The following STYXL1 variants were observed in gnomAD, a reference collection of about 807,000 sequenced individuals.
STYXL1 encodes the protein serine/threonine/tyrosine-interacting-like protein 1.
In STYXL1, 32 loss-of-function variants were observed where a neutral mutation model predicts 36.4. The ratio of observed to expected loss-of-function variants is 0.88; its 90% CI spans 0.66 to 1.18. The LOEUF (loss-of-function observed/expected upper bound fraction) is 1.18. Ranked by LOEUF, STYXL1 falls within the 50% of genes most tolerant of loss-of-function variation. STYXL1 has a pLI of 0.00. For synonymous variants in STYXL1, 133 were observed against 144.1 expected (o/e 0.92, Z 0.55); for missense variants, 354 against 394.1 (o/e 0.90, Z 0.86).
Position 75,996,544 on chromosome 7 carries a change from A to C in STYXL1, c.866T>G (p.Leu289Trp). 1 of 1,614,230 alleles carries C rather than the reference A, an allele frequency of 6.2e-7. No homozygotes were observed. Among genetic ancestry groups the C allele is most frequent in the Non-Finnish European group, 8.5e-7 (1 of 1,180,042 alleles). The change falls in exon 9 of 9, where the codon TTG becomes TGG. Residue 289 changes from leucine (L) to tryptophan (W), a missense_variant. Transcript: ENST00000359697. ...CKNNMCPNRG[L>W]VSQLLEWEKT... Reference sequence around the variant, plus strand: ...CTCCCATTCCAGCAGCTGGCTCACCAATCCCCGATTTGGACACATGTTGTT... The same window carrying C: ...CTCCCATTCCAGCAGCTGGCTCACCCATCCCCGATTTGGACACATGTTGTT...
intron 1 of STYXL1, among the ~76,000 whole-genome samples, chr7:76,032,304 G>A (rs1450797870): frequency 6.6e-6 from 1 of 151,804 alleles, no homozygotes; most frequent in African/African-American, 2.4e-5. Context: ...GGAGGCTGAG[G>A]TGGGAGAATC....
chr7:76,004,954 T>C (rs934285019), intron 6 of STYXL1, among the ~76,000 whole-genome samples: 6 of 152,132 alleles, frequency 3.9e-5, no homozygotes, highest in African/African-American at 1.4e-4. Flanking sequence ...TGAGCCGAGA[T>C]TGTGCCACTG....
chr7:76,039,344 G>A lies in STYXL1; in HGVS notation c.-5+8318C>T, dbSNP rs1282818226. The stretch of plus-strand genomic sequence containing the variant: ...TCCCGCCTCAGCCTCCCAAAGTGGT[G>A]GGATTACAGGCGTGAGCCACTGCGC... On this transcript the variant is annotated intron_variant, in intron 1 of 8. Coordinates refer to ENST00000359697, the MANE Select transcript of STYXL1 (RefSeq NM_001317785.2). 2.0e-5 allele frequency among the ~76,000 whole-genome samples: 3 copies of A among 151,826 alleles called. No homozygotes were observed. The East Asian group carries it at 5.8e-4, about 29-fold the overall frequency.
intron 7 of STYXL1, 51 bp from the exon 8 acceptor site, chr7:76,001,053 G>T: frequency 1.4e-6 from 2 of 1,464,338 alleles, no homozygotes; most frequent in Non-Finnish European, 1.9e-6. Flanking sequence ...CTCCCTGTGG[G>T]CCTGGGTTGC....
chr7:76,047,805 GCCCCA>G lies in STYXL1; in HGVS notation c.-153_-149del. The stretch of plus-strand genomic sequence containing the variant: ...CTCCCTGTCGGAGCCTCTGCCTGGG[GCCCCA>G]CCTGGAAAAATGGCTCCTCTAAGGC... On this transcript the variant is annotated 5_prime_UTR_variant, in exon 1 of 9. Transcript: ENST00000359697. 1 of 811,020 alleles carries G rather than the reference GCCCCA, an allele frequency of 1.2e-6. No individual in the cohort carries two copies. The highest frequency in any genetic ancestry group is 6.6e-5 in the East Asian group (1 of 15,178). 50.2% of individuals were successfully genotyped at this position (811,020 alleles called of 1,614,324 possible).
At chr7:76,006,778 A>AAC (rs1563470061) in intron 5 of STYXL1, among the ~76,000 whole-genome samples, 2 of 148,056 alleles carry the variant, frequency 1.4e-5, no homozygotes, top group Non-Finnish European at 3.0e-5. Flanking sequence ...AAAAAAAAAA[A>AAC]AAAACAAAAC....
chr7:75,999,143 A>AAAT (rs782273681), intron 8 of STYXL1: 40,543 of 153,164 alleles, frequency 0.26, 6,932 homozygotes, highest in Non-Finnish European at 0.38. Flanking sequence ...GTCTCAAAAA[A>AAAT]AAATAAATAA....
intron 3 of STYXL1, among the ~76,000 whole-genome samples, chr7:76,025,240 G>C (rs1175643226): frequency 6.7e-6 from 1 of 148,808 alleles, no homozygotes; most frequent in Non-Finnish European, 1.5e-5. Flanking sequence ...GAGAGGGAAG[G>C]CAAGAGCCAA....
rs1243330609 is a variant in STYXL1 at position 76,003,020 on chromosome 7, G to A, written c.697+738C>T. Reference sequence around the variant, plus strand: ...GGCCAGGAGCTGTTGGTGCCAGACAGGCAGGCATGGGGTGGGGACTCTGAC... The same window carrying A: ...GGCCAGGAGCTGTTGGTGCCAGACAAGCAGGCATGGGGTGGGGACTCTGAC... On this transcript the variant is annotated intron_variant, in intron 7 of 8. Transcript: ENST00000359697. Among the ~76,000 whole-genome samples, 5 of 152,344 alleles carry A rather than the reference G, an allele frequency of 3.3e-5. No homozygotes were observed. In the East Asian group the frequency reaches 9.6e-4, roughly 29 times the overall value.
chr7:76,038,422 A>ATTCTTTTTT (rs35261977), intron 1 of STYXL1, among the ~76,000 whole-genome samples: 2 of 132,230 alleles, frequency 1.5e-5, no homozygotes. Context: ...ATTGAATGAC[A>ATTCTTTTTT]TTTTTTTTTT....
Position 75,996,655 on chromosome 7 carries a change from T to G in STYXL1, c.811-56A>C, listed in dbSNP as rs1383322134. On this transcript the variant is annotated intron_variant, in intron 8 of 8. Coordinates refer to ENST00000359697, the MANE Select transcript of STYXL1 (RefSeq NM_001317785.2). Reference sequence around the variant, plus strand: ...ACGATTGGTCCTGGGCCCTTTCCACTTGGATCAGAGGCAGCTTTCAGAGAC... The same window carrying G: ...ACGATTGGTCCTGGGCCCTTTCCACGTGGATCAGAGGCAGCTTTCAGAGAC... 5 of 1,576,480 alleles carry G rather than the reference T, an allele frequency of 3.2e-6. No homozygotes were observed. In the African/African-American group the frequency reaches 5.4e-5, roughly 17 times the overall value.
intron 8 of STYXL1, among the ~76,000 whole-genome samples, chr7:75,999,556 T>TGTGTGTGTGTGTGTG (rs56000336): frequency 6.9e-6 from 1 of 145,936 alleles, no homozygotes; most frequent in Non-Finnish European, 1.5e-5. Flanking sequence ...TGTGTGTATA[T>TGTGTGTGTGTGTGTG]TTTTTTTTGA....
chr7:76,021,906 C>T lies in STYXL1; in HGVS notation c.252G>A (p.Leu84=). 1 of 1,613,788 alleles carries T rather than the reference C, an allele frequency of 6.2e-7. No homozygotes were observed. Among genetic ancestry groups the T allele is most frequent in the Non-Finnish European group, 8.5e-7 (1 of 1,180,016 alleles). The part of the protein sequence containing the change: ...CVVYDNNSST[L]EILLKDDDDD... ...CATCATCATCTTTTAAGAGTATCTC[C>T]AGGGTGCTGCTGTTGTTATCATACA... Residue 84 remains leucine (L), a synonymous_variant, in exon 4 of 9, where the codon CTG becomes CTA. Coordinates refer to ENST00000359697, the MANE Select transcript of STYXL1 (RefSeq NM_001317785.2).
intron 3 of STYXL1, among the ~76,000 whole-genome samples, chr7:76,023,783 A>G (rs573473342): frequency 3.9e-5 from 6 of 152,170 alleles, no homozygotes; most frequent in African/African-American, 1.4e-4. Context: ...TGGGAGGCCA[A>G]GGTGGGCGGA....
At chr7:76,036,706 C>T (rs1380633090) in intron 1 of STYXL1, among the ~76,000 whole-genome samples, 1 of 144,430 alleles carries the variant, frequency 6.9e-6, no homozygotes, top group Non-Finnish European at 1.5e-5. Flanking sequence ...TTCCTGGTGA[C>T]CTGTTCAAAA....
chr7:76,019,102 C>T (rs1048815879), intron 4 of STYXL1, among the ~76,000 whole-genome samples: 3 of 152,050 alleles, frequency 2.0e-5, no homozygotes, highest in South Asian at 2.1e-4. Flanking sequence ...CACAATCAGA[C>T]TGCATGTAAA....
intron 1 of STYXL1, among the ~76,000 whole-genome samples, chr7:76,040,112 T>C (rs181220100): frequency 6.6e-6 from 1 of 152,024 alleles, no homozygotes; most frequent in East Asian, 1.9e-4. Flanking sequence ...CCTGTAAGGG[T>C]AACAGGTCTG....
At chr7:76,009,814 T>C (rs1554571696) in intron 5 of STYXL1, among the ~76,000 whole-genome samples, 1 of 152,120 alleles carries the variant, frequency 6.6e-6, no homozygotes, top group African/African-American at 2.4e-5. Flanking sequence ...CCTCCCAAAG[T>C]GCTAGGATTC....
chr7:76,038,383 G>C lies in STYXL1; in HGVS notation c.-4-7856C>G, dbSNP rs985376812. Among the ~76,000 whole-genome samples, 53 of 148,654 alleles carry C rather than the reference G, an allele frequency of 3.6e-4. 1 individual carries two copies. Among genetic ancestry groups the C allele is most frequent in the African/African-American group, 1.1e-3 (45 of 40,650 alleles). ...CTCCCTACTCGTTATGTGACTTCGA[G>C]GCTGTCAGGACCTGCTTTATGTTTG... On this transcript the variant is annotated intron_variant, in intron 1 of 8. Transcript: ENST00000359697.
Sources: allele counts gnomAD v4.1 joint callset (sites outside exome capture counted in the v4.1 genomes callset), GRCh38; gene constraint gnomAD v4.1.1; transcripts MANE v1.5; gene names NCBI Gene and HGNC (gene_info 2026-07-23, HGNC 2026-07-21).